The following KIF1A variants were observed in gnomAD, a reference collection of about 807,000 sequenced individuals.
KIF1A encodes the protein kinesin-like protein KIF1A.
In KIF1A, 46 loss-of-function variants were observed where a neutral mutation model predicts 227.3. The observed-to-expected ratio is 0.20, with a 90% CI of 0.16 to 0.26. The LOEUF (loss-of-function observed/expected upper bound fraction) is 0.26. Among genes scored for constraint, KIF1A ranks in the 10% least tolerant of loss-of-function variants. KIF1A has a pLI of 1.00. For missense variants in KIF1A, 1,683 were observed against 2,485.9 expected, an observed-to-expected ratio of 0.68 and a Z score of 6.87; for synonymous variants, 1,022 against 1,012.8, an observed-to-expected ratio of 1.01 and a Z score of -0.17.
intron 17 of KIF1A, 135 bp from the exon 18 acceptor site, chr2:240,767,480 GGCTGGTCACT>G: frequency 1.4e-6 from 1 of 703,298 alleles, no homozygotes; most frequent in Non-Finnish European, 2.5e-6. Context: ...GGTGCCACCA[GGCTGGTCACT>G]CCAAGCCAGG....
rs184303437 is a variant in KIF1A at position 240,757,665 on chromosome 2, C to T, written c.2583-71G>A. 9.5e-6 allele frequency: 13 copies of T among 1,367,280 alleles called. No homozygotes were observed. The highest frequency in any genetic ancestry group is 2.2e-4 in the Middle Eastern group (1 of 4,596). The allele number at this position is 1,367,280 out of a possible 1,614,324, so 84.7% of individuals were successfully genotyped here. On this transcript the variant is annotated intron_variant, in intron 26 of 48. Transcript: ENST00000498729. The surrounding 1 kb of genome is among the most constrained non-coding windows in gnomAD (Gnocchi z 6.2). ...CGCAGGGACGAACAGGGGCCGGGGC[C>T]GGGGCTGGGGGGCTTCTGTTTAAAA... is the stretch of plus-strand genomic sequence containing the variant.
Position 240,775,995 on chromosome 2 carries a change from G to A in KIF1A, c.883-69C>T, listed in dbSNP as rs1187772437. On this transcript the variant is annotated intron_variant, in intron 10 of 48. Transcript: ENST00000498729. The surrounding 1 kb of genome is among the most constrained non-coding windows in gnomAD (Gnocchi z 5.5). The stretch of plus-strand genomic sequence containing the variant: ...GAGGAAGCGAAAGGGAGGGGCCAGC[G>A]CAGGCCCTGCCAAGTGGGTCCTCAA... 2.1e-5 allele frequency: 22 copies of A among 1,067,812 alleles called. No individual in the cohort carries two copies. Among genetic ancestry groups the A allele is most frequent in the Non-Finnish European group, 2.7e-5 (19 of 691,098 alleles). The allele number at this position is 1,067,812 out of a possible 1,614,324, so 66.1% of individuals were successfully genotyped here. A position where few individuals can be genotyped will look rare whatever the true frequency, so the allele number is the denominator to read the frequency against.
At chr2:240,761,167 C>T (rs1293288506) in intron 24 of KIF1A, 62 bp downstream of exon 24, 16 of 1,542,214 alleles carry the variant, frequency 1.0e-5, no homozygotes, top group African/African-American at 1.4e-5. Context: ...TAGCTGTCCC[C>T]GTCATGAGTG....
rs761141462 is a variant in KIF1A, at chr2:240,767,363, GATC to G, written c.1498-21_1498-19del. 3 of 1,605,298 alleles carry G rather than the reference GATC, an allele frequency of 1.9e-6. No homozygotes were observed. The African/African-American group carries it at 4.0e-5, about 21-fold the overall frequency. The stretch of plus-strand genomic sequence containing the variant: ...TGTGGTGTCTGCAGGGAGACAGGAG[GATC>G]ATCTCTCTTGCAGAGGGGCAGGAGC... On this transcript the variant is annotated intron_variant, in intron 17 of 48. Transcript: ENST00000498729.
At chr2:240,774,790 C>G (rs1037317756) in intron 11 of KIF1A, among the ~76,000 whole-genome samples, 1 of 152,118 alleles carries the variant, frequency 6.6e-6, no homozygotes, top group African/African-American at 2.4e-5. Flanking sequence ...CCTCAGCCAT[C>G]GGAAAAGATC....
chr2:240,764,758 C>A (rs1430883566), intron 20 of KIF1A, among the ~76,000 whole-genome samples: 1 of 152,204 alleles, frequency 6.6e-6, no homozygotes, highest in Admixed American at 6.5e-5. Flanking sequence ...CACCTGCAAT[C>A]AGCTGATGGA....
At chr2:240,770,070 C>G (rs1254321045) in intron 15 of KIF1A, among the ~76,000 whole-genome samples, 1 of 152,168 alleles carries the variant, frequency 6.6e-6, no homozygotes, top group Non-Finnish European at 1.5e-5. Flanking sequence ...CTGGTCTCTC[C>G]TTTTTCTTCC....
At chr2:240,738,952 C>G (rs1344039905) in intron 37 of KIF1A, among the ~76,000 whole-genome samples, 1 of 152,264 alleles carries the variant, frequency 6.6e-6, no homozygotes, top group African/African-American at 2.4e-5. Flanking sequence ...CATAAACCAG[C>G]TGTGTATTTG....
intron 10 of KIF1A, among the ~76,000 whole-genome samples, chr2:240,781,392 T>C (rs1173528962): frequency 1.6e-3 from 7 of 4,502 alleles, no homozygotes; most frequent in Admixed American, 4.8e-3. Flanking sequence ...CACACACAGC[T>C]CCACACACAC....
chr2:240,732,099 GA>G (rs1206823324), intron 38 of KIF1A, among the ~76,000 whole-genome samples: 1 of 53,194 alleles, frequency 1.9e-5, no homozygotes, highest in Admixed American at 1.8e-4. Flanking sequence ...GAGGGGAGGA[GA>G]GAATGAGGGG....
chr2:240,784,293 TGGGAGGCCCTGCACC>T (rs2054434134), intron 7 of KIF1A, among the ~76,000 whole-genome samples: 1 of 151,856 alleles, frequency 6.6e-6, no homozygotes, highest in South Asian at 2.1e-4. Context: ...CAGTCTGGGG[TGGGAGGCCCTGCACC>T]GGGAGGCCTG....
chr2:240,765,425 A>C (rs1386963473), intron 20 of KIF1A, among the ~76,000 whole-genome samples: 1 of 152,212 alleles, frequency 6.6e-6, no homozygotes, highest in Non-Finnish European at 1.5e-5. Flanking sequence ...GCTTCTTCCT[A>C]GGCAGGCACA....
intron 44 of KIF1A, among the ~76,000 whole-genome samples, chr2:240,721,419 C>T (rs925349475): frequency 6.6e-6 from 1 of 152,236 alleles, no homozygotes; most frequent in Non-Finnish European, 1.5e-5. Flanking sequence ...TGCAGCACAG[C>T]AGCAGTTTCC....
intron 42 of KIF1A, among the ~76,000 whole-genome samples, 183 bp from the exon 43 acceptor site, chr2:240,722,839 G>A (rs373751684): frequency 1.9e-3 from 291 of 152,256 alleles, no homozygotes; most frequent in African/African-American, 6.6e-3. Flanking sequence ...GCGCCCCGGG[G>A]CTGACAGCCC....
At chr2:240,776,063 C>T in intron 10 of KIF1A, 137 bp from the exon 11 acceptor site, 1 of 673,022 alleles carries the variant, frequency 1.5e-6, no homozygotes. Context: ...CTGCTGGACA[C>T]ATTCTCAGGC....
chr2:240,765,668 G>T, intron 20 of KIF1A, 42 bp downstream of exon 20: 1 of 1,494,708 alleles, frequency 6.7e-7, no homozygotes, highest in Non-Finnish European at 9.3e-7. Context: ...CTCGCCTCAT[G>T]CCTCTGCCTA....
chr2:240,761,030 G>A (rs928365932), intron 24 of KIF1A, among the ~76,000 whole-genome samples, 187 bp from the exon 25 acceptor site: 6 of 152,328 alleles, frequency 3.9e-5, no homozygotes, highest in South Asian at 4.1e-4. Flanking sequence ...GCCGTCTCCC[G>A]TGAGCAGCCA....
chr2:240,789,138 G>T lies in KIF1A; in HGVS notation c.183+98C>A. 1 of 981,012 alleles carries T rather than the reference G, an allele frequency of 1.0e-6. No individual in the cohort carries two copies. 60.8% of individuals were successfully genotyped at this position (981,012 alleles called of 1,614,324 possible). On this transcript the variant is annotated intron_variant, in intron 3 of 48. Coordinates refer to ENST00000498729, the MANE Select transcript of KIF1A (RefSeq NM_001244008.2). The surrounding 1 kb of genome is among the most constrained non-coding windows in gnomAD (Gnocchi z 4.8). ...CAGGGTGGGGTCCTCGCCCCAGTTA[G>T]AGAGGAATGAGCGGCTCAGAGAAGT...
intron 11 of KIF1A, 26 bp from the exon 12 acceptor site, chr2:240,774,287 C>T (rs1307352247): frequency 1.9e-6 from 3 of 1,546,038 alleles, no homozygotes; most frequent in Non-Finnish European, 2.7e-6. Flanking sequence ...CAGGTTGTGC[C>T]CAGAGGGGGA....
Sources: gnomAD v4.1 joint callset for allele counts (sites outside exome capture counted in the v4.1 genomes callset) on GRCh38, gnomAD v4.1.1 for gene constraint, Gnocchi (gnomAD v3.1) non-coding constraint, MANE v1.5 for transcripts, NCBI Gene and HGNC (gene_info 2026-07-23, HGNC 2026-07-21) for gene names.